The following CDK6 variants were observed in gnomAD, a reference collection of about 807,000 sequenced individuals.
CDK6 encodes the protein cyclin dependent kinase 6, also known as cyclin-dependent kinase 6.
CDK6 carries 6 observed loss-of-function variants against 37.1 expected under a neutral mutation model. The observed-to-expected ratio is 0.16, with a 90% CI of 0.09 to 0.32. The LOEUF (loss-of-function observed/expected upper bound fraction) is 0.32. CDK6 is among the 10% of genes least tolerant of loss of function. The pLI, the probability that CDK6 is intolerant of heterozygous loss-of-function variation, is 1.00. For synonymous variants in CDK6, 160 were observed against 161.3 expected (o/e 0.99, Z 0.06); for missense variants, 224 against 418.9 (o/e 0.53, Z 4.06).
chr7:92,717,562 G>A (rs1452413054), intron 4 of CDK6, among the ~76,000 whole-genome samples: 1 of 152,180 alleles, frequency 6.6e-6, no homozygotes, highest in African/African-American at 2.4e-5. Context: ...CAGATTCTCT[G>A]TATCATACCC....
intron 3 of CDK6, among the ~76,000 whole-genome samples, chr7:92,764,041 TCTGTTGGGTTTAAAAAAAAAAC>T (rs1365940718): frequency 6.6e-6 from 1 of 152,006 alleles, no homozygotes; most frequent in Non-Finnish European, 1.5e-5. Context: ...TTTTGCAAAA[TCTGTTGGGTTTAAAAAAAAAAC>T]CTGTTGGGTT....
chr7:92,783,723 A>G (rs1200806554), intron 2 of CDK6, among the ~76,000 whole-genome samples: 1 of 152,202 alleles, frequency 6.6e-6, no homozygotes, highest in African/African-American at 2.4e-5. Context: ...CACTATAGTA[A>G]ATTTTGAAAA....
At chr7:92,767,438 T>C (rs1375014689) in intron 3 of CDK6, among the ~76,000 whole-genome samples, 1 of 152,156 alleles carries the variant, frequency 6.6e-6, no homozygotes, top group Non-Finnish European at 1.5e-5. Flanking sequence ...ACTGAAATCT[T>C]ACTAATTAGA....
At chr7:92,741,015 C>T (rs1194747936) in intron 3 of CDK6, among the ~76,000 whole-genome samples, 2 of 152,212 alleles carry the variant, frequency 1.3e-5, no homozygotes, top group East Asian at 1.9e-4. Flanking sequence ...AACAAGTTTA[C>T]AATGAGTCAA....
intron 4 of CDK6, among the ~76,000 whole-genome samples, chr7:92,709,460 G>C (rs1798037199): frequency 6.6e-6 from 1 of 151,806 alleles, no homozygotes; most frequent in Admixed American, 6.6e-5. Context: ...ATCTAACAAT[G>C]CTTGTCTCCT....
chr7:92,804,733 G>A (rs973586737), intron 2 of CDK6, among the ~76,000 whole-genome samples: 35 of 132,040 alleles, frequency 2.7e-4, no homozygotes, highest in African/African-American at 1.1e-3. Flanking sequence ...TTTGAAATTT[G>A]TTTGTTGTGG....
intron 4 of CDK6, among the ~76,000 whole-genome samples, chr7:92,710,160 T>C (rs1798055560): frequency 6.6e-6 from 1 of 152,186 alleles, no homozygotes; most frequent in Non-Finnish European, 1.5e-5. Context: ...CTGGCTAGCA[T>C]AACCTGATTT....
At chr7:92,637,633 C>T (rs1386741836) in intron 5 of CDK6, among the ~76,000 whole-genome samples, 1 of 152,142 alleles carries the variant, frequency 6.6e-6, no homozygotes, top group African/African-American at 2.4e-5. Flanking sequence ...GGCTGCTTTG[C>T]TTTGTTTCAC....
intron 2 of CDK6, among the ~76,000 whole-genome samples, chr7:92,798,071 G>A (rs1046302113): frequency 6.6e-6 from 1 of 152,134 alleles, no homozygotes; most frequent in Non-Finnish European, 1.5e-5. Flanking sequence ...ATGATGACTT[G>A]ACTTTTCAAG....
At chr7:92,725,555 G>A (rs1481667647) in intron 4 of CDK6, 71 bp downstream of exon 4, 9 of 1,464,744 alleles carry the variant, frequency 6.1e-6, no homozygotes, top group Non-Finnish European at 8.4e-6. Flanking sequence ...TTAGAGACAT[G>A]GAAGAGGGAC....
chr7:92,759,213 T>C (rs1252978145), intron 3 of CDK6, among the ~76,000 whole-genome samples: 1 of 152,174 alleles, frequency 6.6e-6, no homozygotes, highest in Admixed American at 6.5e-5. Context: ...GTTATGGCTT[T>C]CCTGTGGCAA....
intron 3 of CDK6, among the ~76,000 whole-genome samples, chr7:92,733,409 A>T (rs1395427745): frequency 2.6e-5 from 4 of 152,120 alleles, no homozygotes; most frequent in African/African-American, 9.7e-5. Context: ...CAGAACTTTG[A>T]CTTCTTTAAC....
At chr7:92,798,331 T>G (rs1267957623) in intron 2 of CDK6, among the ~76,000 whole-genome samples, 3 of 152,222 alleles carry the variant, frequency 2.0e-5, no homozygotes, top group Non-Finnish European at 4.4e-5. Flanking sequence ...AGAATAATGT[T>G]TAATAATTCA....
chr7:92,621,011 T>A (rs1243890322), intron 6 of CDK6, among the ~76,000 whole-genome samples: 1 of 152,228 alleles, frequency 6.6e-6, no homozygotes, highest in Non-Finnish European at 1.5e-5. Flanking sequence ...TGTTGTGAAA[T>A]TCTGATAGGT....
intron 5 of CDK6, among the ~76,000 whole-genome samples, chr7:92,651,921 A>C (rs1796583376): frequency 6.6e-6 from 1 of 152,166 alleles, no homozygotes; most frequent in Non-Finnish European, 1.5e-5. Flanking sequence ...GCACATCAAT[A>C]TTTTAACAAT....
intron 5 of CDK6, among the ~76,000 whole-genome samples, chr7:92,668,291 A>G (rs1408958117): frequency 6.6e-6 from 1 of 152,214 alleles, no homozygotes; most frequent in Non-Finnish European, 1.5e-5. Context: ...ATGTAAGTAC[A>G]TTCGACAATG....
chr7:92,717,353 G>C (rs1362326209), intron 4 of CDK6, among the ~76,000 whole-genome samples: 1 of 149,224 alleles, frequency 6.7e-6, no homozygotes, highest in Non-Finnish European at 1.5e-5. Flanking sequence ...GAAAGGAAAG[G>C]GGAAAGGAAA....
rs1801578667 is a variant in CDK6, at chr7:92,834,086, C to T, written c.-367-396G>A. 6.6e-6 allele frequency among the ~76,000 whole-genome samples: 1 copy of T among 152,060 alleles called. No individual in the cohort carries two copies. Among genetic ancestry groups the T allele is most frequent in the South Asian group, 2.1e-4 (1 of 4,826 alleles). ...ATCATTGTGTTGCGCCGCTACCCTC[C>T]CCGCCTCCTGAGGCCCGGACGTGCA... On this transcript the variant is annotated intron_variant, in intron 1 of 7. Transcript: ENST00000424848. The surrounding 1 kb of genome is among the most constrained non-coding windows in gnomAD (Gnocchi z 4.6).
chr7:92,700,903 C>T (rs1361711205), intron 4 of CDK6, among the ~76,000 whole-genome samples: 1 of 152,240 alleles, frequency 6.6e-6, no homozygotes, highest in Non-Finnish European at 1.5e-5. Context: ...TTAGAATATC[C>T]ACTGCGGTAA....
Sources: allele counts gnomAD v4.1 joint callset (sites outside exome capture counted in the v4.1 genomes callset), GRCh38; gene constraint gnomAD v4.1.1; non-coding constraint Gnocchi (gnomAD v3.1); transcripts MANE v1.5; gene names NCBI Gene and HGNC (gene_info 2026-07-23, HGNC 2026-07-21).